Variants in GRM8 observed in about 807,000 individuals in gnomAD.
GRM8 encodes the protein metabotropic glutamate receptor 8.
GRM8 carries 47 observed loss-of-function variants against 87.2 expected under a neutral mutation model. The observed-to-expected ratio is 0.54, with a 90% CI of 0.43 to 0.69. The LOEUF (loss-of-function observed/expected upper bound fraction) is 0.69, where lower values mean the gene tolerates loss of function less well. GRM8 is among the 30% of genes least tolerant of loss of function. GRM8 has a pLI of 0.00. For synonymous variants in GRM8, 396 were observed against 404.5 expected, an observed-to-expected ratio of 0.98 and a Z score of 0.25; for missense variants, 1,019 against 1,139.2, an observed-to-expected ratio of 0.89 and a Z score of 1.52.
intron 7 of GRM8, among the ~76,000 whole-genome samples, chr7:126,614,933 A>C (rs1799303205): frequency 6.6e-6 from 1 of 152,224 alleles, no homozygotes; most frequent in Non-Finnish European, 1.5e-5. Context: ...GAATGGAACC[A>C]AGTTGGAAAA....
intron 6 of GRM8, among the ~76,000 whole-genome samples, chr7:126,892,990 A>G (rs1801203420): frequency 6.6e-6 from 1 of 152,096 alleles, no homozygotes; most frequent in Non-Finnish European, 1.5e-5. Context: ...CCCCATCAAA[A>G]GTGGGCAAAG....
At chr7:127,212,410 A>ATTGTTTTT (rs1796265035) in intron 2 of GRM8, among the ~76,000 whole-genome samples, 1 of 97,720 alleles carries the variant, frequency 1.0e-5, no homozygotes, top group Non-Finnish European at 1.9e-5. Flanking sequence ...ACATGGTGTT[A>ATTGTTTTT]TTTTTTTTTT....
intron 8 of GRM8, among the ~76,000 whole-genome samples, chr7:126,591,891 GATAA>G: frequency 6.6e-6 from 1 of 151,574 alleles, no homozygotes; most frequent in South Asian, 2.1e-4. Flanking sequence ...AAGAGACACA[GATAA>G]ATAAAATCAT....
chr7:126,642,644 AAATAAT>A (rs1036032258), intron 7 of GRM8, among the ~76,000 whole-genome samples: 1 of 151,950 alleles, frequency 6.6e-6, no homozygotes, highest in African/African-American at 2.4e-5. Flanking sequence ...CATCTAAAAA[AAATAAT>A]AATAATAACA....
At chr7:127,132,459 C>A (rs1166458223) in intron 2 of GRM8, among the ~76,000 whole-genome samples, 2 of 151,952 alleles carry the variant, frequency 1.3e-5, no homozygotes, top group Non-Finnish European at 2.9e-5. Flanking sequence ...CTGTCACATG[C>A]CATTCTGCTC....
intron 3 of GRM8, among the ~76,000 whole-genome samples, chr7:127,062,493 G>A (rs1049646632): frequency 2.6e-5 from 4 of 152,350 alleles, no homozygotes; most frequent in Non-Finnish European, 4.4e-5. Context: ...GGTGTCAGGG[G>A]ACATGGGGGT....
intron 7 of GRM8, among the ~76,000 whole-genome samples, chr7:126,762,970 A>G (rs936962768): frequency 1.3e-5 from 2 of 151,938 alleles, no homozygotes; most frequent in Admixed American, 6.6e-5. Context: ...TTCTTTGATT[A>G]TAAGTGAGAC....
At chr7:126,863,756 A>T (rs1231492437) in intron 6 of GRM8, among the ~76,000 whole-genome samples, 2 of 152,094 alleles carry the variant, frequency 1.3e-5, no homozygotes, top group East Asian at 3.8e-4. Context: ...AGGTGTTAAC[A>T]TCTCCTATTT....
At position 126,833,397 on chromosome 7, in the gene GRM8, C is replaced by T. The variant is rs1795570631; in HGVS notation, c.1157-63332G>A. 3.3e-5 allele frequency among the ~76,000 whole-genome samples: 5 copies of T among 152,150 alleles called. No individual in the cohort carries two copies. In the South Asian group the frequency reaches 1.0e-3, roughly 32 times the overall value. Reference sequence around the variant, plus strand: ...TATGTCCAGATACAGGTAGTTTTGCCTAGGATACTAGTTATCTTAGTTTGT... The same window carrying T: ...TATGTCCAGATACAGGTAGTTTTGCTTAGGATACTAGTTATCTTAGTTTGT... On this transcript the variant is annotated intron_variant, in intron 6 of 10. Transcript: ENST00000339582.
chr7:126,690,675 TC>T (rs1203361634), intron 7 of GRM8, among the ~76,000 whole-genome samples: 1 of 152,128 alleles, frequency 6.6e-6, no homozygotes, highest in East Asian at 1.9e-4. Flanking sequence ...GGTCTCCAGT[TC>T]TTGTCCCACA....
At chr7:127,249,536 A>G (rs1798752001) in intron 1 of GRM8, among the ~76,000 whole-genome samples, 1 of 152,158 alleles carries the variant, frequency 6.6e-6, no homozygotes, top group Non-Finnish European at 1.5e-5. Context: ...TTCCAACAGC[A>G]TTGCCCACCA....
intron 6 of GRM8, among the ~76,000 whole-genome samples, chr7:126,812,486 G>A (rs996305960): frequency 1.3e-5 from 2 of 152,002 alleles, no homozygotes; most frequent in South Asian, 4.1e-4. Context: ...TACAGTAAAA[G>A]TATGGTATTA....
intron 10 of GRM8, among the ~76,000 whole-genome samples, chr7:126,443,482 T>C (rs1196394532): frequency 6.6e-6 from 1 of 151,974 alleles, no homozygotes; most frequent in Non-Finnish European, 1.5e-5. Flanking sequence ...TGGAGTAGGA[T>C]TGTGGAAGGA....
chr7:126,720,812 G>A (rs1324595709), intron 7 of GRM8, among the ~76,000 whole-genome samples: 2 of 152,100 alleles, frequency 1.3e-5, no homozygotes, highest in Non-Finnish European at 2.9e-5. Flanking sequence ...AGGAAAATGA[G>A]AAAAAAGTAA....
At chr7:127,066,561 A>G (rs1351217223) in intron 3 of GRM8, among the ~76,000 whole-genome samples, 1 of 152,172 alleles carries the variant, frequency 6.6e-6, no homozygotes, top group African/African-American at 2.4e-5. Context: ...TATGAGTTAT[A>G]TAGTGATGTT....
At chr7:126,444,767 A>G (rs1801825099) in intron 10 of GRM8, among the ~76,000 whole-genome samples, 1 of 152,042 alleles carries the variant, frequency 6.6e-6, no homozygotes, top group African/African-American at 2.4e-5. Flanking sequence ...TTTTTCTTAT[A>G]TTTAGTGTCA....
intron 6 of GRM8, among the ~76,000 whole-genome samples, chr7:126,792,291 C>A (rs1032234479): frequency 2.6e-5 from 4 of 152,106 alleles, no homozygotes; most frequent in Non-Finnish European, 1.5e-5. Flanking sequence ...CTCCTGGAAA[C>A]CTAAAGTAAT....
intron 6 of GRM8, among the ~76,000 whole-genome samples, chr7:126,830,337 C>T (rs1479858201): frequency 6.6e-6 from 1 of 152,234 alleles, no homozygotes; most frequent in Non-Finnish European, 1.5e-5. Context: ...CTTTCAGGTC[C>T]ACCAATCAGA....
chr7:126,846,987 T>C (rs1322040216), intron 6 of GRM8, among the ~76,000 whole-genome samples: 1 of 152,220 alleles, frequency 6.6e-6, no homozygotes, highest in Admixed American at 6.5e-5. Flanking sequence ...GCATGACTTA[T>C]GCCTATTTTT....
Sources: allele counts gnomAD v4.1 joint callset (sites outside exome capture counted in the v4.1 genomes callset), GRCh38; gene constraint gnomAD v4.1.1; transcripts MANE v1.5; gene names NCBI Gene and HGNC (gene_info 2026-07-23, HGNC 2026-07-21).